The following LDLRAD4 variants were observed in gnomAD, a reference collection of about 807,000 sequenced individuals.
LDLRAD4 encodes the protein low density lipoprotein receptor class A domain containing 4.
A neutral mutation model predicts 17.0 loss-of-function variants in LDLRAD4; 5 were observed. The ratio of observed to expected loss-of-function variants is 0.29; its 90% CI spans 0.15 to 0.62. LDLRAD4 has a LOEUF of 0.62. Ranked by LOEUF, LDLRAD4 falls within the 20% of genes least tolerant of loss-of-function variation. The probability of loss-of-function intolerance (pLI) is 0.84; values close to 1 mark genes in which losing one functional copy is unlikely to be tolerated. For synonymous variants in LDLRAD4, 168 were observed against 171.8 expected, an observed-to-expected ratio of 0.98 and a Z score of 0.17; for missense variants, 340 against 424.7, an observed-to-expected ratio of 0.80 and a Z score of 1.75.
chr18:13,245,737 G>A (rs4797749), intron 1 of LDLRAD4, among the ~76,000 whole-genome samples: 70,972 of 152,180 alleles, frequency 0.47, 17,178 homozygotes, highest in African/African-American at 0.6. Flanking sequence ...ACCCAGCTCA[G>A]AATGGCAGCT....
intron 2 of LDLRAD4, among the ~76,000 whole-genome samples, chr18:13,409,292 C>T (rs2088093953): frequency 6.6e-6 from 1 of 152,128 alleles, no homozygotes; most frequent in African/African-American, 2.4e-5. Flanking sequence ...CTGCTGCCTC[C>T]CCTCCCAGGG....
At chr18:13,296,749 A>C (rs6505796) in intron 1 of LDLRAD4, among the ~76,000 whole-genome samples, 36,250 of 152,132 alleles carry the variant, frequency 0.24, 4,522 homozygotes, top group Middle Eastern at 0.36. Flanking sequence ...CAACAAAGAA[A>C]AGAGCAGAAG....
intron 1 of LDLRAD4, among the ~76,000 whole-genome samples, chr18:13,237,654 C>T (rs1567918803): frequency 6.6e-6 from 1 of 152,220 alleles, no homozygotes; most frequent in Admixed American, 6.5e-5. Flanking sequence ...AAGATCCATT[C>T]CCTCAGTGCA....
At chr18:13,336,866 T>C (rs1456252529) in intron 1 of LDLRAD4, among the ~76,000 whole-genome samples, 2 of 152,218 alleles carry the variant, frequency 1.3e-5, no homozygotes, top group Non-Finnish European at 2.9e-5. Flanking sequence ...TGGTCACAGC[T>C]TTCATCTACT....
At chr18:13,630,671 TC>T (rs1290074702) in intron 4 of LDLRAD4, among the ~76,000 whole-genome samples, 3 of 152,132 alleles carry the variant, frequency 2.0e-5, no homozygotes, top group South Asian at 2.1e-4. Flanking sequence ...GTCCTCAGTT[TC>T]CCCCCATCTA....
chr18:13,342,087 C>T (rs907451889), intron 1 of LDLRAD4, among the ~76,000 whole-genome samples: 1 of 152,034 alleles, frequency 6.6e-6, no homozygotes, highest in African/African-American at 2.4e-5. Context: ...ATAAATTTCC[C>T]TTGATCGTAT....
At chr18:13,249,937 T>A (rs2043150436) in intron 1 of LDLRAD4, among the ~76,000 whole-genome samples, 2 of 152,198 alleles carry the variant, frequency 1.3e-5, no homozygotes, top group South Asian at 4.1e-4. Flanking sequence ...CGGTGACAGG[T>A]AGGGGTCTAG....
chr18:13,568,111 A>G (rs563299544), intron 3 of LDLRAD4, among the ~76,000 whole-genome samples: 125 of 152,242 alleles, frequency 8.2e-4, no homozygotes, highest in African/African-American at 2.7e-3. Context: ...CCTAGCCAAC[A>G]TGGCGAAACC....
chr18:13,633,348 CT>C (rs1251117383), intron 4 of LDLRAD4, among the ~76,000 whole-genome samples: 3 of 152,254 alleles, frequency 2.0e-5, no homozygotes, highest in African/African-American at 4.8e-5. Flanking sequence ...GGCCCCCATG[CT>C]TTAGGCCATT....
intron 2 of LDLRAD4, chr18:13,419,859 C>T (rs2089284767): frequency 6.6e-6 from 1 of 152,204 alleles, no homozygotes; most frequent in African/African-American, 2.4e-5. Context: ...TGTTCACACA[C>T]ACCTCCACAG....
At chr18:13,345,463 G>A (rs1201015134) in intron 1 of LDLRAD4, among the ~76,000 whole-genome samples, 1 of 152,174 alleles carries the variant, frequency 6.6e-6, no homozygotes, top group Non-Finnish European at 1.5e-5. Flanking sequence ...ACTTTTTGAT[G>A]TGCTGCTGGA....
rs60116058 is a variant in LDLRAD4 at position 13,576,421 on chromosome 18, CAA to C, written c.182-44678_182-44677del. On this transcript the variant is annotated intron_variant, in intron 3 of 5. Transcript: ENST00000359446. ...TGGGGGACAGAGCGAGACTCTGTCT[CAA>C]AAAAAAAAAAAAAAAAAGAAAGAAA... is the stretch of plus-strand genomic sequence containing the variant. Among the ~76,000 whole-genome samples the C allele has an allele frequency of 8.4e-3, 757 of 90,290 alleles. 5 individuals carry two copies. Among genetic ancestry groups the C allele is most frequent in the African/African-American group, 0.024 (547 of 22,668 alleles). 59.2% of individuals were successfully genotyped at this position (90,290 alleles called of 152,430 possible).
intron 1 of LDLRAD4, among the ~76,000 whole-genome samples, chr18:13,344,689 C>G (rs541392443): frequency 2.0e-5 from 3 of 152,140 alleles, no homozygotes; most frequent in African/African-American, 7.2e-5. Context: ...GCCATTTTCA[C>G]GATATTGATT....
intron 1 of LDLRAD4, among the ~76,000 whole-genome samples, chr18:13,245,178 G>T (rs1235153865): frequency 6.6e-6 from 1 of 152,194 alleles, no homozygotes; most frequent in African/African-American, 2.4e-5. Flanking sequence ...GTGGGCAGGA[G>T]TCATCCTGAG....
At position 13,540,173 on chromosome 18, in the gene LDLRAD4, A is replaced by G. The variant is rs59769580; in HGVS notation, c.182-80944A>G. On this transcript the variant is annotated intron_variant, in intron 3 of 5. Coordinates refer to ENST00000359446, the Ensembl canonical transcript of LDLRAD4. Reference sequence around the variant, plus strand: ...TTTGTTTTCATGCCAAATCTTCCCAATTTATCTGTGTTTGTCTTTTTTAAA... The same window carrying G: ...TTTGTTTTCATGCCAAATCTTCCCAGTTTATCTGTGTTTGTCTTTTTTAAA... Among the ~76,000 whole-genome samples the G allele has an allele frequency of 2.4e-3, 359 of 152,340 alleles. 2 individuals carry two copies. The highest frequency in any genetic ancestry group is 8.1e-3 in the African/African-American group (336 of 41,580).
intron 3 of LDLRAD4, among the ~76,000 whole-genome samples, chr18:13,485,800 GC>G (rs1254485951): frequency 6.6e-6 from 1 of 152,206 alleles, no homozygotes; most frequent in Non-Finnish European, 1.5e-5. Context: ...GATCGCTTGA[GC>G]CCAGGAGTTT....
chr18:13,612,758 C>A lies in LDLRAD4; in HGVS notation c.182-8359C>A, dbSNP rs1443235935. ...CACTGAAGGAGGCTCAGTTCAAAGACCTGTTCTTAAAAAAAGGTACATTTC... is the reference window on the plus strand; with the variant it reads ...CACTGAAGGAGGCTCAGTTCAAAGAACTGTTCTTAAAAAAAGGTACATTTC... On this transcript the variant is annotated intron_variant, in intron 3 of 5. Transcript: ENST00000359446. 3.7e-6 allele frequency: 6 copies of A among 1,613,742 alleles called. No homozygotes were observed. The African/African-American group carries it at 8.0e-5, about 22-fold the overall frequency.
chr18:13,552,762 C>G (rs1275010689), intron 3 of LDLRAD4, among the ~76,000 whole-genome samples: 1 of 152,160 alleles, frequency 6.6e-6, no homozygotes, highest in African/African-American at 2.4e-5. Flanking sequence ...TGTCCGTCTC[C>G]CTCTTCATGG....
intron 3 of LDLRAD4, among the ~76,000 whole-genome samples, chr18:13,483,441 C>T (rs949142444): frequency 2.0e-5 from 3 of 152,188 alleles, no homozygotes; most frequent in African/African-American, 7.2e-5. Context: ...CCCCTGGACC[C>T]GGGGGTCATG....
Sources: gnomAD v4.1 joint callset for allele counts (sites outside exome capture counted in the v4.1 genomes callset) on GRCh38, gnomAD v4.1.1 for gene constraint, MANE v1.5 for transcripts, NCBI Gene and HGNC (gene_info 2026-07-23, HGNC 2026-07-21) for gene names.